The following L3MBTL4 variants were observed in gnomAD, a reference collection of about 807,000 sequenced individuals.
The protein encoded by L3MBTL4 is L3MBTL histone methyl-lysine binding protein 4, also known as lethal(3)malignant brain tumor-like protein 4.
In L3MBTL4, 70 loss-of-function variants were observed where a neutral mutation model predicts 84.5. The observed-to-expected ratio is 0.83, with a 90% CI of 0.68 to 1.01. The LOEUF (loss-of-function observed/expected upper bound fraction) is 1.01, where lower values mean the gene tolerates loss of function less well. Ranked by LOEUF, L3MBTL4 falls within the 50% of genes least tolerant of loss-of-function variation. The probability of loss-of-function intolerance (pLI) is 0.00; values close to 1 mark genes in which losing one functional copy is unlikely to be tolerated. For missense variants in L3MBTL4, 715 were observed against 754.8 expected (o/e 0.95, Z 0.62); for synonymous variants, 274 against 259.8 (o/e 1.05, Z -0.52).
At chr18:6,074,688 A>G (rs560017571) in intron 16 of L3MBTL4, among the ~76,000 whole-genome samples, 4 of 152,310 alleles carry the variant, frequency 2.6e-5, no homozygotes, top group Non-Finnish European at 5.9e-5. Context: ...CATTCATATT[A>G]GAAGCATGCA....
intron 1 of L3MBTL4, chr18:6,397,492 AT>A (rs1477465325): frequency 1.3e-5 from 2 of 152,190 alleles, no homozygotes; most frequent in Non-Finnish European, 1.5e-5. Flanking sequence ...AAATTGAAAA[AT>A]CTCTATCAAG....
At chr18:6,173,383 G>C (rs886344018) in intron 12 of L3MBTL4, among the ~76,000 whole-genome samples, 3 of 152,148 alleles carry the variant, frequency 2.0e-5, no homozygotes, top group African/African-American at 7.2e-5. Flanking sequence ...GAAACATAAA[G>C]AAAGCAGTTA....
intron 12 of L3MBTL4, among the ~76,000 whole-genome samples, chr18:6,193,110 G>A (rs2045201833): frequency 6.6e-6 from 1 of 152,004 alleles, no homozygotes; most frequent in Non-Finnish European, 1.5e-5. Flanking sequence ...TTACATTATT[G>A]TTAATGGCCC....
intron 13 of L3MBTL4, among the ~76,000 whole-genome samples, chr18:6,158,090 G>T (rs1329424362): frequency 6.6e-6 from 1 of 152,158 alleles, no homozygotes; most frequent in African/African-American, 2.4e-5. Context: ...TGTTGGTTTT[G>T]CATTATGTGA....
chr18:6,410,780 T>C (rs1378705544), intron 1 of L3MBTL4, among the ~76,000 whole-genome samples: 4 of 152,212 alleles, frequency 2.6e-5, no homozygotes, highest in Admixed American at 6.5e-5. Context: ...ACCACACTTT[T>C]ATCATTTCAC....
intron 16 of L3MBTL4, among the ~76,000 whole-genome samples, chr18:6,014,495 G>T (rs1295082668): frequency 6.6e-6 from 1 of 152,184 alleles, no homozygotes; most frequent in Admixed American, 6.5e-5. Context: ...CAGACCATGA[G>T]GTTAGAGATG....
chr18:6,333,268 C>A, intron 1 of L3MBTL4, among the ~76,000 whole-genome samples: 1 of 151,956 alleles, frequency 6.6e-6, no homozygotes, highest in East Asian at 1.9e-4. Context: ...GGCTTTGGTG[C>A]CAAAAAGAAA....
At chr18:6,016,192 G>A (rs2054969743) in intron 16 of L3MBTL4, among the ~76,000 whole-genome samples, 1 of 152,150 alleles carries the variant, frequency 6.6e-6, no homozygotes, top group Non-Finnish European at 1.5e-5. Flanking sequence ...CAGACCATGT[G>A]TTTAGAGAGG....
intron 18 of L3MBTL4, among the ~76,000 whole-genome samples, chr18:5,956,903 T>G (rs1490109004): frequency 8.1e-6 from 1 of 123,028 alleles, no homozygotes; most frequent in Admixed American, 7.7e-5. Flanking sequence ...CATTTAATGA[T>G]TTAGGAATTT....
intron 16 of L3MBTL4, among the ~76,000 whole-genome samples, chr18:5,981,494 C>T (rs16949159): frequency 2.9e-3 from 446 of 152,224 alleles, no homozygotes; most frequent in African/African-American, 9.9e-3. Flanking sequence ...CTGTGCTCTT[C>T]GTTATGGGAT....
intron 10 of L3MBTL4, among the ~76,000 whole-genome samples, chr18:6,237,016 G>T (rs576948810): frequency 1.3e-5 from 2 of 152,042 alleles, no homozygotes; most frequent in Non-Finnish European, 2.9e-5. Context: ...CTGTCTGCTT[G>T]AACACTTGTG....
At chr18:6,364,527 T>G (rs1300207658) in intron 1 of L3MBTL4, among the ~76,000 whole-genome samples, 1 of 152,108 alleles carries the variant, frequency 6.6e-6, no homozygotes, top group Admixed American at 6.5e-5. Flanking sequence ...AATTCAAACC[T>G]AAAAGCTTTA....
intron 1 of L3MBTL4, among the ~76,000 whole-genome samples, chr18:6,351,535 C>A (rs938331206): frequency 6.6e-6 from 1 of 151,796 alleles, no homozygotes; most frequent in African/African-American, 2.4e-5. Context: ...TATTATACCG[C>A]AATTTTTAAA....
intron 1 of L3MBTL4, among the ~76,000 whole-genome samples, chr18:6,381,753 C>T (rs1249969026): frequency 2.0e-5 from 3 of 152,194 alleles, no homozygotes; most frequent in South Asian, 2.1e-4. Context: ...TTCTCTCTGG[C>T]TGCCCTTAAC....
chr18:6,260,350 T>G (rs1462299291), intron 5 of L3MBTL4: 3 of 152,222 alleles, frequency 2.0e-5, no homozygotes, highest in Non-Finnish European at 2.9e-5. Flanking sequence ...GGAATAATGT[T>G]TAATCTATAG....
chr18:6,129,912 G>C (rs1424351426), intron 14 of L3MBTL4, among the ~76,000 whole-genome samples: 1 of 152,038 alleles, frequency 6.6e-6, no homozygotes, highest in Non-Finnish European at 1.5e-5. Context: ...ATGTTATTCA[G>C]ATTCTGTATA....
chr18:6,412,695 G>A (rs575661545), intron 1 of L3MBTL4, among the ~76,000 whole-genome samples: 3 of 152,030 alleles, frequency 2.0e-5, no homozygotes, highest in Admixed American at 6.6e-5. Context: ...TCGGTCCTAC[G>A]AGTATTTGTT....
intron 12 of L3MBTL4, among the ~76,000 whole-genome samples, chr18:6,201,723 G>A (rs531052421): frequency 1.8e-4 from 28 of 152,304 alleles, no homozygotes; most frequent in African/African-American, 6.7e-4. Flanking sequence ...CAACATGATA[G>A]AGTGTGCAAC....
chr18:6,116,426 C>T (rs897373376), intron 14 of L3MBTL4, among the ~76,000 whole-genome samples: 1 of 148,598 alleles, frequency 6.7e-6, no homozygotes, highest in Non-Finnish European at 1.5e-5. Context: ...AAGTGGCACA[C>T]GATCTCAGTT....
Sources: allele counts gnomAD v4.1 joint callset (sites outside exome capture counted in the v4.1 genomes callset), GRCh38; gene constraint gnomAD v4.1.1; transcripts MANE v1.5; gene names NCBI Gene and HGNC (gene_info 2026-07-23, HGNC 2026-07-21).